The following SPAG16 variants were observed in gnomAD, a reference collection of about 807,000 sequenced individuals.
SPAG16 encodes sperm associated antigen 16, also known as sperm-associated antigen 16 protein.
A neutral mutation model predicts 80.4 loss-of-function variants in SPAG16; 86 were observed. That is an observed-to-expected ratio of 1.07 (90% confidence interval 0.90 to 1.28). SPAG16 has a LOEUF of 1.28. Among genes scored for constraint, SPAG16 ranks in the 50% most tolerant of loss-of-function variants. SPAG16 has a pLI of 0.00. For missense variants in SPAG16, 870 were observed against 765.3 expected (o/e 1.14, Z -1.61); for synonymous variants, 294 against 265.9 (o/e 1.11, Z -1.03).
chr2:213,710,316 C>T (rs990000635), intron 10 of SPAG16, among the ~76,000 whole-genome samples: 5 of 150,778 alleles, frequency 3.3e-5, no homozygotes, highest in African/African-American at 1.2e-4. Flanking sequence ...TAGGAAATGA[C>T]ATAAATCTTC....
At chr2:213,356,946 G>A (rs1004814784) in intron 7 of SPAG16, among the ~76,000 whole-genome samples, 4 of 152,074 alleles carry the variant, frequency 2.6e-5, no homozygotes, top group African/African-American at 9.7e-5. Context: ...CTGGTATGTT[G>A]TGTCTTTGTT....
At chr2:213,796,472 C>T (rs1287881493) in intron 10 of SPAG16, among the ~76,000 whole-genome samples, 1 of 152,110 alleles carries the variant, frequency 6.6e-6, no homozygotes, top group African/African-American at 2.4e-5. Flanking sequence ...ATCAGTACTT[C>T]ATTTCTTTTT....
chr2:213,617,476 G>T (rs1257829728), intron 10 of SPAG16, among the ~76,000 whole-genome samples: 1 of 151,948 alleles, frequency 6.6e-6, no homozygotes, highest in African/African-American at 2.4e-5. Flanking sequence ...CGACTGGCTG[G>T]GATTACAGGC....
chr2:213,741,628 C>T (rs2067559762), intron 10 of SPAG16, among the ~76,000 whole-genome samples: 1 of 151,990 alleles, frequency 6.6e-6, no homozygotes, highest in Non-Finnish European at 1.5e-5. Context: ...TAATTCATAG[C>T]AAACTAAAAT....
At chr2:213,977,685 G>T (rs1303389009) in intron 12 of SPAG16, among the ~76,000 whole-genome samples, 1 of 152,000 alleles carries the variant, frequency 6.6e-6, no homozygotes, top group Non-Finnish European at 1.5e-5. Context: ...TTCTTTTCAT[G>T]AATGGTAGTG....
intron 13 of SPAG16, among the ~76,000 whole-genome samples, chr2:214,026,044 G>T (rs1297008743): frequency 3.3e-5 from 5 of 151,352 alleles, no homozygotes; most frequent in African/African-American, 9.7e-5. Flanking sequence ...AGAAATATCA[G>T]CAAATAGAAA....
intron 9 of SPAG16, among the ~76,000 whole-genome samples, chr2:213,377,598 T>C (rs955924509): frequency 1.3e-5 from 2 of 152,180 alleles, no homozygotes; most frequent in African/African-American, 2.4e-5. Flanking sequence ...TGGAAGGGGT[T>C]GTAATGGTGG....
intron 10 of SPAG16, among the ~76,000 whole-genome samples, chr2:213,837,147 A>G (rs1010344057): frequency 6.6e-6 from 1 of 152,142 alleles, no homozygotes; most frequent in Non-Finnish European, 1.5e-5. Flanking sequence ...TATGAATACC[A>G]TATTATAGGA....
chr2:214,025,886 T>G (rs2048101802), intron 13 of SPAG16, among the ~76,000 whole-genome samples: 1 of 151,508 alleles, frequency 6.6e-6, no homozygotes, highest in Non-Finnish European at 1.5e-5. Flanking sequence ...AACCTTAAAT[T>G]TAATGATATA....
rs557966179 is a variant in SPAG16 at position 213,887,201 on chromosome 2, T to C, written c.1214+24573T>C. On this transcript the variant is annotated intron_variant, in intron 11 of 15. Coordinates refer to ENST00000331683, the MANE Select transcript of SPAG16 (RefSeq NM_024532.5). ...TGGCATCATACTTTTAACTAAACTA[T>C]AGACTTCAATCAGAGTTCTCCAGTT... 4.6e-5 allele frequency among the ~76,000 whole-genome samples: 7 copies of C among 152,214 alleles called. No homozygotes were observed. In the East Asian group the frequency reaches 7.7e-4, roughly 17 times the overall value.
At chr2:214,008,580 A>G (rs1367128778) in intron 12 of SPAG16, among the ~76,000 whole-genome samples, 1 of 152,102 alleles carries the variant, frequency 6.6e-6, no homozygotes, top group Non-Finnish European at 1.5e-5. Context: ...CCCTGTCTCC[A>G]CTAAAAATAC....
At chr2:213,876,671 C>G (rs922667579) in intron 11 of SPAG16, among the ~76,000 whole-genome samples, 5 of 152,072 alleles carry the variant, frequency 3.3e-5, no homozygotes, top group Non-Finnish European at 5.9e-5. Context: ...TTTTCCCCTC[C>G]ATCCTTCCCC....
chr2:213,298,288 T>C (rs1185168082), intron 3 of SPAG16, among the ~76,000 whole-genome samples: 1 of 152,218 alleles, frequency 6.6e-6, no homozygotes, highest in Non-Finnish European at 1.5e-5. Context: ...TAGCTTCTTC[T>C]TGGTAGACAC....
chr2:213,693,044 T>C (rs2065011468), intron 10 of SPAG16, among the ~76,000 whole-genome samples: 1 of 152,230 alleles, frequency 6.6e-6, no homozygotes, highest in African/African-American at 2.4e-5. Context: ...AATGTTTGAC[T>C]TCTAATTCAT....
At chr2:214,042,099 T>C in intron 13 of SPAG16, among the ~76,000 whole-genome samples, 1 of 149,728 alleles carries the variant, frequency 6.7e-6, no homozygotes. Flanking sequence ...TTTTCTTTTT[T>C]TTTTGAGACA....
intron 10 of SPAG16, among the ~76,000 whole-genome samples, chr2:213,593,689 T>C (rs1451579146): frequency 6.8e-6 from 1 of 146,284 alleles, no homozygotes; most frequent in African/African-American, 2.5e-5. Context: ...TCCTATTTAA[T>C]AATGGTTAAC....
At chr2:213,909,085 A>C (rs2077549092) in intron 11 of SPAG16, among the ~76,000 whole-genome samples, 1 of 152,186 alleles carries the variant, frequency 6.6e-6, no homozygotes, top group Admixed American at 6.5e-5. Context: ...CACCAAAAAC[A>C]GACAAACAGA....
chr2:213,462,619 G>A (rs1559156647), intron 9 of SPAG16, among the ~76,000 whole-genome samples: 1 of 152,186 alleles, frequency 6.6e-6, no homozygotes, highest in South Asian at 2.1e-4. Context: ...CACGAGATCT[G>A]ATGGTTTAAT....
Position 214,139,891 on chromosome 2 carries a change from A to G in SPAG16, c.1594-9249A>G, listed in dbSNP as rs146892959. 3.5e-3 allele frequency among the ~76,000 whole-genome samples: 538 copies of G among 152,338 alleles called. 4 individuals are homozygous for G. The highest frequency in any genetic ancestry group is 0.011 in the African/African-American group (468 of 41,582). On this transcript the variant is annotated intron_variant, in intron 14 of 15. Transcript: ENST00000331683. The stretch of plus-strand genomic sequence containing the variant: ...TAAGCATTTGTTTTTACTGAGTCCA[A>G]CTATTTAGACAAAGCTTAACTCTTT...
Sources: gnomAD v4.1 joint callset for allele counts (sites outside exome capture counted in the v4.1 genomes callset) on GRCh38, gnomAD v4.1.1 for gene constraint, MANE v1.5 for transcripts, NCBI Gene and HGNC (gene_info 2026-07-23, HGNC 2026-07-21) for gene names.